Variants in TMEM223 observed in about 807,000 individuals in gnomAD.
TMEM223 encodes transmembrane protein 223.
In TMEM223, 14 loss-of-function variants were observed where a neutral mutation model predicts 14.1. The ratio of observed to expected loss-of-function variants is 0.99; its 90% CI spans 0.66 to 1.55. TMEM223 has a LOEUF of 1.55. TMEM223 is among the 40% of genes most tolerant of loss of function. The probability of loss-of-function intolerance (pLI) is 0.00; values close to 1 mark genes in which losing one functional copy is unlikely to be tolerated. For missense variants in TMEM223, 346 were observed against 269.9 expected (o/e 1.28, Z -1.97); for synonymous variants, 145 against 120.5 (o/e 1.20, Z -1.33).
intron 1 of TMEM223, chr11:62,775,940 C>G (rs758372729): frequency 6.3e-7 from 1 of 1,594,856 alleles, no homozygotes; most frequent in East Asian, 2.2e-5. Flanking sequence ...GGTACACTCC[C>G]CTCACCCCCT....
chr11:62,777,879 A>T, intron 1 of TMEM223: 1 of 1,401,744 alleles, frequency 7.1e-7, no homozygotes, highest in Non-Finnish European at 9.7e-7. Context: ...CTTCCTTCAA[A>T]CGTGGGCTCT....
chr11:62,775,677 C>T (rs2084180681), intron 1 of TMEM223: 32 of 1,397,140 alleles, frequency 2.3e-5, no homozygotes, highest in Middle Eastern at 2.6e-4. Context: ...CTCCAGAGCA[C>T]GAGCAGCAAG....
At chr11:62,776,270 C>A in intron 1 of TMEM223, 1 of 1,039,278 alleles carries the variant, frequency 9.6e-7, no homozygotes, top group Non-Finnish European at 1.5e-6. Context: ...GGCTTCTGAT[C>A]CCTAAGCGTG....
chr11:62,787,492 G>C, downstream of TMEM223: 2 of 1,579,780 alleles, frequency 1.3e-6, no homozygotes, highest in African/African-American at 1.3e-5. Context: ...CTTCCTGTGC[G>C]GGGCCGTGGC....
At position 62,790,835 on chromosome 11, in the gene TMEM223, C is replaced by T. The variant is rs1338318235; in HGVS notation, c.397G>A (p.Val133Met). The T allele has an allele frequency of 3.1e-6, 5 of 1,605,026 alleles. No homozygotes were observed. The South Asian group carries it at 5.6e-5, about 18-fold the overall frequency. Residue 133 changes from valine (V) to methionine (M), a missense_variant, in exon 2 of 2, where the codon GTG becomes ATG. Physicochemically the swap from Val to Met is conservative, Grantham distance 21. Transcript: ENST00000307366. ...AAGGGGGCATGAGTGGTGAGGGTCA[C>T]CTGCTGCCCTCCAGCTCGAAGCACC... ...SVVLRAGGQQ[V>M]TLTTHAPFGL...
At chr11:62,779,828 G>A in intron 1 of TMEM223, among the ~76,000 whole-genome samples, 1 of 145,644 alleles carries the variant, frequency 6.9e-6, no homozygotes, top group East Asian at 2.1e-4. Flanking sequence ...ACCATGCCTG[G>A]CTAATTTTTG....
At chr11:62,788,546 TACAA>T (rs1439687120), downstream of TMEM223, among the ~76,000 whole-genome samples, 40 of 150,526 alleles carry the variant, frequency 2.7e-4, no homozygotes, top group East Asian at 2.6e-3. Context: ...CTACTAAAAA[TACAA>T]ACAATTAGCC....
downstream of TMEM223, chr11:62,786,311 C>A (rs147174923): frequency 8.1e-6 from 13 of 1,614,176 alleles, no homozygotes; most frequent in Non-Finnish European, 1.0e-5. Flanking sequence ...GACAAACTTG[C>A]AGGCTGTGCT....
intron 1 of TMEM223, chr11:62,778,072 T>C (rs1430984676): frequency 1.2e-6 from 2 of 1,614,080 alleles, no homozygotes; most frequent in Admixed American, 3.3e-5. Flanking sequence ...GTGAACCTGG[T>C]GGAGCTGGCC....
chr11:62,783,448 C>T (rs1842141872), downstream of TMEM223, among the ~76,000 whole-genome samples: 1 of 150,690 alleles, frequency 6.6e-6, no homozygotes, highest in African/African-American at 2.4e-5. Context: ...CGCCACTACA[C>T]TGCAGCCTGG....
chr11:62,784,996 T>A (rs1324657992), downstream of TMEM223, among the ~76,000 whole-genome samples: 1 of 152,104 alleles, frequency 6.6e-6, no homozygotes, highest in Non-Finnish European at 1.5e-5. Flanking sequence ...AAGATTTAGA[T>A]CATCTTTTTC....
chr11:62,771,945 A>G lies in TMEM223; in HGVS notation c.*161T>C, dbSNP rs2084151324. 1.7e-5 allele frequency: 6 copies of G among 360,354 alleles called. 1 individual carries two copies. The highest frequency in any genetic ancestry group is 3.3e-5 in the Non-Finnish European group (6 of 182,500). 22.3% of individuals were successfully genotyped at this position (360,354 alleles called of 1,614,324 possible). On this transcript the variant is annotated 3_prime_UTR_variant, in exon 3 of 3. Transcript: ENST00000528367. ...TAGGGTCACCAAGGGGTGGGTCTCC[A>G]ATCCATGTCTTTGGGGTGGGATCCA...
intron 1 of TMEM223, chr11:62,781,849 A>G: frequency 6.5e-7 from 1 of 1,540,612 alleles, no homozygotes; most frequent in South Asian, 1.1e-5. Flanking sequence ...TTCATGTTTT[A>G]CAATTTTCTG....
intron 1 of TMEM223, chr11:62,776,266 T>A (rs748854499): frequency 6.9e-6 from 7 of 1,010,490 alleles, no homozygotes; most frequent in Non-Finnish European, 9.1e-6. Flanking sequence ...TCTAGGCTTC[T>A]GATCCCTAAG....
At chr11:62,786,532 C>A (rs1277664605), downstream of TMEM223, 1 of 1,552,964 alleles carries the variant, frequency 6.4e-7, no homozygotes, top group African/African-American at 1.4e-5. Flanking sequence ...GGTAGAGCGA[C>A]TGCTGAAGAT....
intron 1 of TMEM223, 68 bp downstream of exon 1, chr11:62,791,611 G>T: frequency 1.4e-6 from 2 of 1,433,992 alleles, no homozygotes; most frequent in South Asian, 1.4e-5. Flanking sequence ...GACTCTCCCT[G>T]CCTGTATAGG....
chr11:62,787,163 A>G (rs1436008042), downstream of TMEM223: 2 of 1,580,392 alleles, frequency 1.3e-6, no homozygotes, highest in African/African-American at 1.4e-5. Context: ...CGCCTTTTCC[A>G]GACTGCCTTC....
chr11:62,778,070 G>C (rs1051457068), intron 1 of TMEM223: 13 of 1,614,100 alleles, frequency 8.1e-6, no homozygotes, highest in Non-Finnish European at 1.0e-5. Context: ...AGGTGAACCT[G>C]GTGGAGCTGG....
chr11:62,790,795 T>TTGGCTTGG lies in TMEM223; in HGVS notation c.436_437insCCAAGCCA (p.His146ProfsTer9), dbSNP rs1448742426. On this transcript the variant is annotated frameshift_variant, in exon 2 of 2. Coordinates refer to ENST00000307366, the MANE Select transcript of TMEM223 (RefSeq NM_001080501.3). LOFTEE classifies it high-confidence loss of function. ...TACCTGCTTCAAAGGAACTGTGAAA[T>TTGGCTTGG]GGGCCCCCAAGCCAAAGGGGGCATG... 5 of 1,607,200 alleles carry TTGGCTTGG rather than the reference T, an allele frequency of 3.1e-6. No individual in the cohort carries two copies. The South Asian group carries it at 5.6e-5, about 18-fold the overall frequency.
Sources: gnomAD v4.1 joint callset for allele counts (sites outside exome capture counted in the v4.1 genomes callset) on GRCh38, gnomAD v4.1.1 for gene constraint, MANE v1.5 for transcripts, NCBI Gene and HGNC (gene_info 2026-07-23, HGNC 2026-07-21) for gene names.